The following MALRD1 variants were observed in gnomAD, a reference collection of about 807,000 sequenced individuals.
The protein encoded by MALRD1 is MAM and LDL receptor class A domain containing 1.
In MALRD1, 247 loss-of-function variants were observed where a neutral mutation model predicts 242.1. The observed-to-expected ratio is 1.02, with a 90% CI of 0.92 to 1.13. The LOEUF (loss-of-function observed/expected upper bound fraction) is 1.13. MALRD1 is among the 50% of genes most tolerant of loss of function. MALRD1 has a pLI of 0.00. For missense variants in MALRD1, 2,989 were observed against 2,533.1 expected (o/e 1.18, Z -3.86); for synonymous variants, 995 against 866.6 (o/e 1.15, Z -2.60).
chr10:19,539,139 G>T (rs532581954), intron 32 of MALRD1, among the ~76,000 whole-genome samples: 1 of 152,108 alleles, frequency 6.6e-6, no homozygotes, highest in Admixed American at 6.5e-5. Flanking sequence ...AGATGGTTAC[G>T]ATATGCCATA....
At chr10:19,238,459 A>G (rs865974404) in intron 18 of MALRD1, among the ~76,000 whole-genome samples, 463 of 35,494 alleles carry the variant, frequency 0.013, 36 homozygotes, top group African/African-American at 0.045. Context: ...TATATATAAT[A>G]TATAATATAA....
At chr10:19,303,108 A>G (rs1039215102) in intron 21 of MALRD1, among the ~76,000 whole-genome samples, 1 of 151,668 alleles carries the variant, frequency 6.6e-6, no homozygotes, top group African/African-American at 2.4e-5. Context: ...AGTTATACAT[A>G]CACACCCCAA....
At chr10:19,467,596 A>T (rs1175909327) in intron 29 of MALRD1, among the ~76,000 whole-genome samples, 1 of 151,460 alleles carries the variant, frequency 6.6e-6, no homozygotes, top group Non-Finnish European at 1.5e-5. Context: ...GATGTAATTC[A>T]CCCCACAATA....
At chr10:19,128,939 A>G (rs1417976499) in intron 8 of MALRD1, among the ~76,000 whole-genome samples, 1 of 152,122 alleles carries the variant, frequency 6.6e-6, no homozygotes, top group Non-Finnish European at 1.5e-5. Flanking sequence ...AGTATAACAG[A>G]TAAAAACAAA....
At chr10:19,280,446 G>T (rs1442114203) in intron 20 of MALRD1, among the ~76,000 whole-genome samples, 2 of 152,084 alleles carry the variant, frequency 1.3e-5, no homozygotes, top group Non-Finnish European at 2.9e-5. Context: ...TAACGTTTTG[G>T]ATTCAAAACT....
At chr10:19,336,691 A>G (rs1843627664) in intron 24 of MALRD1, among the ~76,000 whole-genome samples, 1 of 152,184 alleles carries the variant, frequency 6.6e-6, no homozygotes, top group Admixed American at 6.6e-5. Context: ...AGAAATAACA[A>G]GAATATTGCA....
At chr10:19,680,465 CT>C (rs1040057637) in intron 36 of MALRD1, among the ~76,000 whole-genome samples, 1 of 151,996 alleles carries the variant, frequency 6.6e-6, no homozygotes, top group African/African-American at 2.4e-5. Flanking sequence ...GCAACCCCTG[CT>C]TTTGTCTGCC....
chr10:19,595,231 T>G lies in MALRD1; in HGVS notation c.5718T>G (p.Asp1906Glu). Residue 1906 changes from aspartate to glutamate, a missense_variant, in exon 34 of 40, where the codon GAT (aspartate) becomes GAG (glutamate). By Grantham distance (45) the Asp-to-Glu change is conservative. Transcript: ENST00000454679. ...TGCAGCCATCACCCTGTGAAGCTGATCAGTTTTCTTGTATCTACACACTCC... is the reference window on the plus strand; with the variant it reads ...TGCAGCCATCACCCTGTGAAGCTGAGCAGTTTTCTTGTATCTACACACTCC... ...VPVQPSPCEA[D>E]QFSCIYTLQC... The G allele has an allele frequency of 1.3e-6, 2 of 1,550,304 alleles. No individual in the cohort carries two copies. Among genetic ancestry groups the G allele is most frequent in the Non-Finnish European group, 1.7e-6 (2 of 1,146,844 alleles).
At chr10:19,526,952 T>C (rs1346728576) in intron 31 of MALRD1, among the ~76,000 whole-genome samples, 1 of 152,152 alleles carries the variant, frequency 6.6e-6, no homozygotes, top group Non-Finnish European at 1.5e-5. Flanking sequence ...GAAGGTGATG[T>C]TCAGTCTGAT....
intron 36 of MALRD1, among the ~76,000 whole-genome samples, chr10:19,679,889 C>T (rs1232127324): frequency 1.3e-5 from 2 of 152,056 alleles, no homozygotes; most frequent in Non-Finnish European, 2.9e-5. Flanking sequence ...TTCATTTCTA[C>T]CTTAATTTAA....
chr10:19,720,412 A>T (rs567748044), intron 38 of MALRD1, among the ~76,000 whole-genome samples: 1 of 152,246 alleles, frequency 6.6e-6, no homozygotes, highest in South Asian at 2.1e-4. Flanking sequence ...CAGTAACAGG[A>T]TCCACAAAAT....
intron 36 of MALRD1, among the ~76,000 whole-genome samples, chr10:19,638,653 T>C (rs1355224449): frequency 6.6e-6 from 1 of 152,170 alleles, no homozygotes; most frequent in Non-Finnish European, 1.5e-5. Context: ...TTCCAGCTAC[T>C]TCAGGAATGT....
intron 32 of MALRD1, among the ~76,000 whole-genome samples, chr10:19,546,233 C>T (rs1226706272): frequency 6.6e-6 from 1 of 152,166 alleles, no homozygotes; most frequent in Non-Finnish European, 1.5e-5. Context: ...TTCCCTTCCC[C>T]TAACAGTGAA....
chr10:19,372,761 C>A (rs2130753488), intron 26 of MALRD1, among the ~76,000 whole-genome samples: 1 of 152,146 alleles, frequency 6.6e-6, no homozygotes, highest in African/African-American at 2.4e-5. Flanking sequence ...AGCCACAGTG[C>A]CCAGCCAGTA....
At chr10:19,360,287 C>T (rs1209394751) in intron 26 of MALRD1, among the ~76,000 whole-genome samples, 3 of 152,040 alleles carry the variant, frequency 2.0e-5, no homozygotes, top group African/African-American at 4.8e-5. Context: ...ATGAACTGGG[C>T]CTTTTAATGT....
At chr10:19,332,177 G>C (rs11009496) in intron 24 of MALRD1, among the ~76,000 whole-genome samples, 3 of 146,484 alleles carry the variant, frequency 2.0e-5, no homozygotes, top group African/African-American at 7.5e-5. Context: ...AATAAATGTT[G>C]TTTTTTTTTT....
At chr10:19,573,335 G>A (rs114398917) in intron 33 of MALRD1, among the ~76,000 whole-genome samples, 2,601 of 152,236 alleles carry the variant, frequency 0.017, 77 homozygotes, top group African/African-American at 0.06. Flanking sequence ...AGGCATGGTG[G>A]ATCAGGGCAC....
At chr10:19,205,569 T>A (rs1836746895) in intron 17 of MALRD1, among the ~76,000 whole-genome samples, 2 of 151,866 alleles carry the variant, frequency 1.3e-5, no homozygotes, top group Non-Finnish European at 2.9e-5. Context: ...AATGAAATGG[T>A]AGCTTTGATA....
chr10:19,595,496 A>G lies in MALRD1; in HGVS notation c.5944+39A>G, dbSNP rs1589285106. The stretch of plus-strand genomic sequence containing the variant: ...ACTAACTCAATGTGTAAGGGAAGGC[A>G]TGCTGCTTTAAAATGAGAAAGAAAG... On this transcript the variant is annotated intron_variant, in intron 34 of 39. Transcript: ENST00000454679. 4 of 1,523,134 alleles carry G rather than the reference A, an allele frequency of 2.6e-6. 1 individual carries two copies. Among genetic ancestry groups the G allele is most frequent in the South Asian group, 1.2e-5 (1 of 80,954 alleles). 94.4% of individuals were successfully genotyped at this position (1,523,134 alleles called of 1,614,324 possible).
Sources: gnomAD v4.1 joint callset for allele counts (sites outside exome capture counted in the v4.1 genomes callset) on GRCh38, gnomAD v4.1.1 for gene constraint, MANE v1.5 for transcripts, NCBI Gene and HGNC (gene_info 2026-07-23, HGNC 2026-07-21) for gene names.